Variants in CBLIF observed in about 807,000 individuals in gnomAD.
CBLIF encodes gastric intrinsic factor (vitamin B synthesis).
Under a neutral mutation model 44.9 loss-of-function variants are expected in CBLIF, and 24 were observed. The observed-to-expected ratio is 0.53, with a 90% CI of 0.39 to 0.75. CBLIF has a LOEUF of 0.75. Ranked by LOEUF, CBLIF falls within the 30% of genes least tolerant of loss-of-function variation. The pLI is 0.00. For missense variants in CBLIF, 481 were observed against 513.0 expected, an observed-to-expected ratio of 0.94 and a Z score of 0.60; for synonymous variants, 183 against 190.9, an observed-to-expected ratio of 0.96 and a Z score of 0.34.
At chr11:59,829,573 GTGAC>G (rs1866341622) in intron 8 of CBLIF, 28 bp from the exon 9 acceptor site, 1 of 1,445,212 alleles carries the variant, frequency 6.9e-7, no homozygotes, top group African/African-American at 1.4e-5. Flanking sequence ...ATAACATGAG[GTGAC>G]TGTGGTGCAT....
Position 59,829,419 on chromosome 11 carries a change from A to C in CBLIF, c.*65T>G. The C allele has an allele frequency of 9.9e-7, 1 of 1,008,058 alleles. No homozygotes were observed. Among genetic ancestry groups the C allele is most frequent in the Non-Finnish European group, 1.6e-6 (1 of 627,360 alleles). 62.4% of individuals were successfully genotyped at this position (1,008,058 alleles called of 1,614,324 possible). A position where few individuals can be genotyped will look rare whatever the true frequency, so the allele number is the denominator to read the frequency against. ...ATTCGCTTTTTTGCATAGATTTAAA[A>C]TGAAGTGGAAAAAATTTCACCCATC... On this transcript the variant is annotated 3_prime_UTR_variant, in exon 9 of 9. Transcript: ENST00000257248.
At chr11:59,843,836 T>C in intron 2 of CBLIF, 43 bp downstream of exon 2, 1 of 1,433,458 alleles carries the variant, frequency 7.0e-7, no homozygotes, top group South Asian at 1.1e-5. Flanking sequence ...TGGTATGTGA[T>C]GTGTGAGATT....
chr11:59,834,051 A>T (rs1866409626), intron 7 of CBLIF, among the ~76,000 whole-genome samples: 1 of 152,182 alleles, frequency 6.6e-6, no homozygotes, highest in Non-Finnish European at 1.5e-5. Context: ...CTGTAAAATG[A>T]GAATAACTAA....
intron 5 of CBLIF, among the ~76,000 whole-genome samples, chr11:59,837,567 C>A (rs934301427): frequency 6.6e-6 from 1 of 152,228 alleles, no homozygotes; most frequent in Non-Finnish European, 1.5e-5. Flanking sequence ...AGACACAGAA[C>A]TGTGCAATGA....
Position 59,829,347 on chromosome 11 carries a change from A to G in CBLIF, c.*137T>C, listed in dbSNP as rs563371619. On this transcript the variant is annotated 3_prime_UTR_variant, in exon 9 of 9. Transcript: ENST00000257248. The stretch of plus-strand genomic sequence containing the variant: ...AGTGAACTTTGCATTTTTATTCTAC[A>G]TAGTGGTTCTCCATGTTTTTACCAG... The G allele has an allele frequency of 1.4e-6, 1 of 690,368 alleles. No individual in the cohort carries two copies. The highest frequency in any genetic ancestry group is 2.8e-5 in the East Asian group (1 of 35,728). 42.8% of individuals were successfully genotyped at this position (690,368 alleles called of 1,614,324 possible).
At position 59,844,041 on chromosome 11, in the gene CBLIF, G is replaced by C. The variant is rs1172285573; in HGVS notation, c.94C>G (p.Gln32Glu). 1 of 1,613,622 alleles carries C rather than the reference G, an allele frequency of 6.2e-7. No homozygotes were observed. The highest frequency in any genetic ancestry group is 8.5e-7 in the Non-Finnish European group (1 of 1,179,550). ...TGTATTCCATTGACCAAGGGCTCCT[G>C]TGCTGAGGGAACGGCTGAGAAGAGG... Reference protein sequence around the residue: ...TQSSCSVPSAQEPLVNGIQVL... With the variant: ...TQSSCSVPSAEEPLVNGIQVL... The change falls in exon 2 of 9, where the codon CAG becomes GAG. Residue 32 changes from glutamine (Q) to glutamate (E), a missense_variant. Gln to Glu is a conservative substitution (Grantham distance 29). Transcript: ENST00000257248.
chr11:59,830,420 G>A (rs1288239899), intron 8 of CBLIF, among the ~76,000 whole-genome samples: 1 of 151,724 alleles, frequency 6.6e-6, no homozygotes, highest in Non-Finnish European at 1.5e-5. Flanking sequence ...TGTATTTTTA[G>A]TAGAGACGGG....
intron 2 of CBLIF, among the ~76,000 whole-genome samples, chr11:59,843,491 T>C (rs370647764): frequency 6.6e-6 from 1 of 152,226 alleles, no homozygotes; most frequent in Non-Finnish European, 1.5e-5. Flanking sequence ...TCCTGGGAGA[T>C]AGGCAGAACA....
intron 8 of CBLIF, among the ~76,000 whole-genome samples, chr11:59,830,409 T>TTG (rs1866359174): frequency 1.3e-5 from 2 of 152,102 alleles, no homozygotes; most frequent in South Asian, 4.2e-4. Context: ...ACTAATTTTT[T>TTG]TGTATTTTTA....
At chr11:59,844,134 T>TTTTC in intron 1 of CBLIF, 79 bp from the exon 2 acceptor site, 1 of 1,167,672 alleles carries the variant, frequency 8.6e-7, no homozygotes, top group Non-Finnish European at 1.3e-6. Context: ...CTTTGATGCT[T>TTTTC]TTTCTTTCTT....
chr11:59,834,893 G>A (rs1034383972), intron 7 of CBLIF, among the ~76,000 whole-genome samples: 1 of 152,064 alleles, frequency 6.6e-6, no homozygotes, highest in African/African-American at 2.4e-5. Flanking sequence ...GGAAGTCATC[G>A]TCACTTCACA....
At chr11:59,835,635 A>G (rs946490786) in intron 7 of CBLIF, among the ~76,000 whole-genome samples, 173 bp downstream of exon 7, 1 of 152,236 alleles carries the variant, frequency 6.6e-6, no homozygotes, top group African/African-American at 2.4e-5. Context: ...GTTGACTTAT[A>G]TGATTTAAGT....
intron 7 of CBLIF, among the ~76,000 whole-genome samples, chr11:59,833,788 C>T (rs1866406115): frequency 6.6e-6 from 1 of 151,986 alleles, no homozygotes. Context: ...TGGCATTTTT[C>T]CTCCTCTCCT....
At chr11:59,835,650 A>G (rs1866444815) in intron 7 of CBLIF, 158 bp downstream of exon 7, 4 of 691,526 alleles carry the variant, frequency 5.8e-6, no homozygotes, top group Non-Finnish European at 1.0e-5. Context: ...TTAAGTTTTC[A>G]TGAGAGCCTT....
intron 5 of CBLIF, 63 bp downstream of exon 5, chr11:59,841,080 C>A: frequency 8.3e-7 from 1 of 1,198,148 alleles, no homozygotes; most frequent in Admixed American, 1.7e-5. Context: ...AGCCTGGCCT[C>A]TTGATTCTGC....
At chr11:59,839,210 A>G (rs1184284992) in intron 5 of CBLIF, among the ~76,000 whole-genome samples, 4 of 152,214 alleles carry the variant, frequency 2.6e-5, no homozygotes, top group Admixed American at 2.6e-4. Context: ...TAGGATATTC[A>G]TGGAAGAAAG....
At chr11:59,837,117 A>G (rs1270051459) in intron 6 of CBLIF, 57 bp downstream of exon 6, 2 of 1,308,140 alleles carry the variant, frequency 1.5e-6, no homozygotes, top group Non-Finnish European at 2.2e-6. Context: ...ATTGATCCAC[A>G]TGTCATTTCT....
chr11:59,842,424 G>A lies in CBLIF; in HGVS notation c.511+19C>T, dbSNP rs1219314337. 1 of 1,612,908 alleles carries A rather than the reference G, an allele frequency of 6.2e-7. No individual in the cohort carries two copies. The highest frequency in any genetic ancestry group is 1.1e-5 in the South Asian group (1 of 91,038). The stretch of plus-strand genomic sequence containing the variant: ...ATGCCTCTGATGTTCCCAGCTCGGG[G>A]TAGTGGTGACCTACTCACCTACATT... On this transcript the variant is annotated intron_variant, in intron 4 of 8. Transcript: ENST00000257248.
chr11:59,831,655 G>T, intron 8 of CBLIF, 23 bp downstream of exon 8: 1 of 960,164 alleles, frequency 1.0e-6, no homozygotes, highest in East Asian at 2.4e-5. Flanking sequence ...GGAAGATAAC[G>T]CCTATGTCTT....
Sources: gnomAD v4.1 joint callset for allele counts (sites outside exome capture counted in the v4.1 genomes callset) on GRCh38, gnomAD v4.1.1 for gene constraint, MANE v1.5 for transcripts, NCBI Gene and HGNC (gene_info 2026-07-23, HGNC 2026-07-21) for gene names.